The following ANO5 variants were observed in gnomAD, a reference collection of about 807,000 sequenced individuals.
The protein encoded by ANO5 is anoctamin-5.
In ANO5, 109 loss-of-function variants were observed where a neutral mutation model predicts 121.0. The ratio of observed to expected loss-of-function variants is 0.90; its 90% CI spans 0.77 to 1.06. The LOEUF is 1.06. ANO5 is among the 50% of genes least tolerant of loss of function. ANO5 has a pLI of 0.00. For synonymous variants in ANO5, 406 were observed against 359.9 expected, an observed-to-expected ratio of 1.13 and a Z score of -1.45; for missense variants, 1,064 against 1,078.5, an observed-to-expected ratio of 0.99 and a Z score of 0.19.
chr11:22,276,867 G>A (rs966815951), intron 21 of ANO5, among the ~76,000 whole-genome samples: 1 of 151,288 alleles, frequency 6.6e-6, no homozygotes. Flanking sequence ...CTGGAATAAA[G>A]CCCGATAAAA....
rs771868816 is a variant in ANO5, at chr11:22,255,457, C to T, written c.1267C>T (p.Gln423Ter). The T allele has an allele frequency of 1.9e-6, 3 of 1,613,350 alleles. No individual in the cohort carries two copies. In the African/African-American group the frequency reaches 4.0e-5, roughly 22 times the overall value. ...DLVDFEEEQQ[Q>*]LQLRPEFEAM... is the part of the protein sequence containing the mutation. ...GGTGGACTTTGAAGAGGAACAGCAG[C>T]AGCTTCAGCTGAGACCAGAATTTGA... The change falls in exon 13 of 22, where the codon CAG (glutamine) becomes TAG (stop). Residue 423 changes from glutamine to a stop codon, truncating the protein, a stop_gained. Transcript: ENST00000324559. LOFTEE classifies it high-confidence loss of function.
chr11:22,209,369 AT>A (rs1328159262), intron 2 of ANO5, among the ~76,000 whole-genome samples: 2 of 151,920 alleles, frequency 1.3e-5, no homozygotes, highest in African/African-American at 4.8e-5. Flanking sequence ...CCCATGTATT[AT>A]TTAATCTCAC....
intron 9 of ANO5, among the ~76,000 whole-genome samples, chr11:22,246,639 C>T (rs1055668556): frequency 2.6e-5 from 4 of 151,808 alleles, no homozygotes; most frequent in Non-Finnish European, 4.4e-5. Flanking sequence ...GAGTTTGAGA[C>T]GATTCTGGTC....
Position 22,274,712 on chromosome 11 carries a change from T to C in ANO5, c.2379T>C (p.Thr793=). ...TGATAGCTGATTTTCCAAACCACAC[T>C]GCACCTTCGGAAAAACGAGACTTCA... ...VFLIADFPNH[T]APSEKRDFIT... is the part of the protein sequence containing the mutation. Residue 793 remains threonine, a synonymous_variant, in exon 20 of 22, where the codon ACT becomes ACC. Coordinates refer to ENST00000324559, the MANE Select transcript of ANO5 (RefSeq NM_213599.3). 6.2e-7 allele frequency: 1 copy of C among 1,613,560 alleles called. No individual in the cohort carries two copies. Among genetic ancestry groups the C allele is most frequent in the Non-Finnish European group, 8.5e-7 (1 of 1,179,604 alleles).
chr11:22,223,932 C>G (rs960769751), intron 5 of ANO5, among the ~76,000 whole-genome samples: 1 of 151,918 alleles, frequency 6.6e-6, no homozygotes, highest in East Asian at 1.9e-4. Flanking sequence ...AAGCCTTTAT[C>G]CCAACCACTC....
chr11:22,225,301 T>A (rs1052403718), intron 5 of ANO5, among the ~76,000 whole-genome samples: 14 of 151,554 alleles, frequency 9.2e-5, no homozygotes, highest in Admixed American at 2.0e-4. Context: ...TATGAAAAAA[T>A]TTTTTAAAAA....
intron 2 of ANO5, among the ~76,000 whole-genome samples, chr11:22,208,299 A>G (rs1009809748): frequency 6.6e-6 from 1 of 152,074 alleles, no homozygotes; most frequent in African/African-American, 2.4e-5. Context: ...CAGCAGGTGA[A>G]TGGTTAAACA....
intron 3 of ANO5, among the ~76,000 whole-genome samples, chr11:22,214,883 A>G (rs565230412): frequency 2.0e-5 from 3 of 151,986 alleles, no homozygotes; most frequent in African/African-American, 7.2e-5. Context: ...TTATGACAGA[A>G]ACTCTATATC....
At chr11:22,244,390 T>C (rs867539409) in intron 9 of ANO5, among the ~76,000 whole-genome samples, 1 of 151,996 alleles carries the variant, frequency 6.6e-6, no homozygotes, top group Non-Finnish European at 1.5e-5. Flanking sequence ...CTTGGGGATA[T>C]AGTGTCTCAT....
chr11:22,252,447 C>A (rs1168649206), intron 12 of ANO5, among the ~76,000 whole-genome samples: 1 of 152,088 alleles, frequency 6.6e-6, no homozygotes, highest in Non-Finnish European at 1.5e-5. Flanking sequence ...GTGTGGAGCA[C>A]CCTTCAGCAC....
At chr11:22,256,872 AT>A (rs1168752677) in intron 13 of ANO5, among the ~76,000 whole-genome samples, 3 of 152,180 alleles carry the variant, frequency 2.0e-5, no homozygotes, top group African/African-American at 7.2e-5. Context: ...ATGAACACGC[AT>A]ACATTGGGTG....
chr11:22,211,995 C>CTTT (rs5790243), intron 3 of ANO5, among the ~76,000 whole-genome samples: 1 of 149,226 alleles, frequency 6.7e-6, no homozygotes, highest in African/African-American at 2.4e-5. Flanking sequence ...TTTATTTTTA[C>CTTT]TTTTTTTTTT....
At chr11:22,226,736 C>A (rs908756637) in intron 6 of ANO5, among the ~76,000 whole-genome samples, 3 of 151,976 alleles carry the variant, frequency 2.0e-5, no homozygotes, top group African/African-American at 7.2e-5. Flanking sequence ...AAAACAGAAG[C>A]ATTACTCTCT....
chr11:22,265,261 A>T (rs1287154583), intron 17 of ANO5, among the ~76,000 whole-genome samples: 1 of 152,170 alleles, frequency 6.6e-6, no homozygotes, highest in Non-Finnish European at 1.5e-5. Context: ...CTACACTATC[A>T]TCAGTTTCTC....
At chr11:22,256,311 C>T (rs1176818982) in intron 13 of ANO5, among the ~76,000 whole-genome samples, 1 of 152,154 alleles carries the variant, frequency 6.6e-6, no homozygotes, top group Non-Finnish European at 1.5e-5. Context: ...CCTAAATACA[C>T]TCTCTTCAAT....
intron 12 of ANO5, among the ~76,000 whole-genome samples, chr11:22,254,222 G>C (rs770361250): frequency 4.6e-5 from 7 of 152,220 alleles, no homozygotes; most frequent in Middle Eastern, 3.4e-3. Context: ...TGACTGTAAT[G>C]ATAAAAATAT....
At chr11:22,197,700 G>C (rs1289893294) in intron 1 of ANO5, among the ~76,000 whole-genome samples, 1 of 152,174 alleles carries the variant, frequency 6.6e-6, no homozygotes, top group Non-Finnish European at 1.5e-5. Context: ...GGATTTGCTG[G>C]AGTGTGTATT....
At chr11:22,203,713 T>C (rs1384383997) in intron 1 of ANO5, 91 bp from the exon 2 acceptor site, 2 of 773,416 alleles carry the variant, frequency 2.6e-6, no homozygotes, top group Non-Finnish European at 4.3e-6. Flanking sequence ...TTTTAATTCA[T>C]TCAATTCCTA....
At chr11:22,205,591 G>A (rs1189225829) in intron 2 of ANO5, among the ~76,000 whole-genome samples, 1 of 151,430 alleles carries the variant, frequency 6.6e-6, no homozygotes, top group African/African-American at 2.4e-5. Flanking sequence ...GGAAAGTAGA[G>A]CAAAACAACC....
Sources: gnomAD v4.1 joint callset for allele counts (sites outside exome capture counted in the v4.1 genomes callset) on GRCh38, gnomAD v4.1.1 for gene constraint, MANE v1.5 for transcripts, NCBI Gene and HGNC (gene_info 2026-07-23, HGNC 2026-07-21) for gene names.